The following COL6A6 variants were observed in gnomAD, a reference collection of about 807,000 sequenced individuals.
The protein encoded by COL6A6 is collagen alpha-6(VI) chain.
In COL6A6, 183 loss-of-function variants were observed where a neutral mutation model predicts 208.6. The observed-to-expected ratio is 0.88, with a 90% CI of 0.78 to 0.99. The LOEUF (loss-of-function observed/expected upper bound fraction) is 0.99, where lower values mean the gene tolerates loss of function less well. COL6A6 is among the 50% of genes least tolerant of loss of function. The pLI is 0.00. For missense variants in COL6A6, 2,816 were observed against 2,815.2 expected (o/e 1.00, Z -0.01); for synonymous variants, 973 against 1,011.8 (o/e 0.96, Z 0.73).
chr3:130,645,059 G>C (rs1024773139), intron 32 of COL6A6, 57 bp downstream of exon 32: 11 of 1,528,176 alleles, frequency 7.2e-6, no homozygotes, highest in African/African-American at 1.4e-5. Context: ...TCATACATCT[G>C]GAAAGATGAG....
rs768427464 is a variant in COL6A6 at position 130,568,217 on chromosome 3, G to A, written c.2014G>A (p.Glu672Lys). Residue 672 changes from glutamate to lysine, a missense_variant, in exon 6 of 37, where the codon GAA becomes AAA. Transcript: ENST00000358511. ...GVVQFSDINK[E>K]EFQLNRFMSQ... ...AGTCCAGTTCAGCGACATCAATAAG[G>A]AAGAGTTTCAGCTCAACAGATTCAT... 11 of 1,613,856 alleles carry A rather than the reference G, an allele frequency of 6.8e-6. No individual in the cohort carries two copies. Among genetic ancestry groups the A allele is most frequent in the Admixed American group, 1.7e-5 (1 of 60,000 alleles).
intron 12 of COL6A6, among the ~76,000 whole-genome samples, chr3:130,589,562 C>T (rs771107229): frequency 2.0e-5 from 3 of 152,092 alleles, no homozygotes; most frequent in Admixed American, 6.6e-5. Context: ...AAAATCAAAG[C>T]GAAGATACTT....
At chr3:130,601,007 A>AT (rs1326388073) in intron 20 of COL6A6, among the ~76,000 whole-genome samples, 1 of 152,084 alleles carries the variant, frequency 6.6e-6, no homozygotes, top group Non-Finnish European at 1.5e-5. Flanking sequence ...TTTATTTGTT[A>AT]TTTTTTCATT....
At chr3:130,589,660 A>G (rs2063627418) in intron 12 of COL6A6, among the ~76,000 whole-genome samples, 1 of 152,238 alleles carries the variant, frequency 6.6e-6, no homozygotes, top group Non-Finnish European at 1.5e-5. Context: ...AAGCCAGGTC[A>G]AAATGTTATC....
At chr3:130,609,296 G>A (rs995556401) in intron 22 of COL6A6, among the ~76,000 whole-genome samples, 21 of 152,288 alleles carry the variant, frequency 1.4e-4, no homozygotes, top group African/African-American at 4.8e-4. Flanking sequence ...ATTTAGCACA[G>A]TAATAGTTCA....
In COL6A6 at chr3:130,602,373, C is replaced by T. The variant is rs1448496172; in HGVS notation, c.4653+2563C>T. Among the ~76,000 whole-genome samples, 4 of 152,136 alleles carry T rather than the reference C, an allele frequency of 2.6e-5. No homozygotes were observed. In the East Asian group the frequency reaches 7.7e-4, roughly 29 times the overall value. On this transcript the variant is annotated intron_variant, in intron 20 of 36. Transcript: ENST00000358511. ...GTCCTATTCAAAGATGGTGAATGGTCAGGAACATTAATAATCTTTATTAAT... is the reference window on the plus strand; with the variant it reads ...GTCCTATTCAAAGATGGTGAATGGTTAGGAACATTAATAATCTTTATTAAT...
chr3:130,662,290 T>C lies in COL6A6; in HGVS notation c.6484T>C (p.Phe2162Leu). The C allele has an allele frequency of 6.2e-7, 1 of 1,613,028 alleles. No homozygotes were observed. Among genetic ancestry groups the C allele is most frequent in the Non-Finnish European group, 8.5e-7 (1 of 1,179,200 alleles). ...TTATGGTGTGAAGTTTGTGAAGTCC[T>C]TTATAAACTCAATCAGGCGTAAGTC... is the stretch of plus-strand genomic sequence containing the variant. ...HSYGVKFVKS[F>L]INSIRRAINK... The change falls in exon 35 of 37, where the codon TTT becomes CTT. Residue 2162 changes from phenylalanine (F) to leucine (L), a missense_variant. Coordinates refer to ENST00000358511, the MANE Select transcript of COL6A6 (RefSeq NM_001102608.3).
chr3:130,583,348 A>G (rs2063466505), intron 10 of COL6A6, among the ~76,000 whole-genome samples: 2 of 151,962 alleles, frequency 1.3e-5, no homozygotes, highest in African/African-American at 4.8e-5. Flanking sequence ...AAAAGATACT[A>G]GAGTGCTTAG....
chr3:130,551,168 G>A (rs1410934718), intron 1 of COL6A6, among the ~76,000 whole-genome samples: 1 of 151,872 alleles, frequency 6.6e-6, no homozygotes, highest in Non-Finnish European at 1.5e-5. Context: ...TGGTATCAGG[G>A]TGATGCTGGC....
At chr3:130,520,334 C>T (rs116276402) in intron 1 of COL6A6, among the ~76,000 whole-genome samples, 3,794 of 152,268 alleles carry the variant, frequency 0.025, 166 homozygotes, top group African/African-American at 0.084. Context: ...TGATCCTTTA[C>T]AAAATAGTGA....
chr3:130,586,421 T>G, intron 10 of COL6A6, 85 bp from the exon 11 acceptor site: 12 of 1,243,972 alleles, frequency 9.6e-6, no homozygotes, highest in South Asian at 1.6e-5. Flanking sequence ...AGCTGTTCAC[T>G]GAGAATAACA....
intron 1 of COL6A6, among the ~76,000 whole-genome samples, chr3:130,547,602 A>T (rs1367829608): frequency 6.6e-6 from 1 of 152,234 alleles, no homozygotes; most frequent in Non-Finnish European, 1.5e-5. Context: ...GGCCGCCAGC[A>T]TGTTGTCACC....
At chr3:130,658,808 C>T in intron 34 of COL6A6, 36 bp downstream of exon 34, 1 of 1,486,964 alleles carries the variant, frequency 6.7e-7, no homozygotes, top group Non-Finnish European at 9.3e-7. Context: ...TTGGTCAGGC[C>T]TATTAAGCAT....
chr3:130,558,978 A>G (rs2062824178), intron 1 of COL6A6, among the ~76,000 whole-genome samples: 1 of 152,194 alleles, frequency 6.6e-6, no homozygotes, highest in Non-Finnish European at 1.5e-5. Context: ...ACCTTGCATC[A>G]GTTACTTCCC....
chr3:130,518,975 G>A (rs1710906472), intron 1 of COL6A6, among the ~76,000 whole-genome samples: 1 of 152,074 alleles, frequency 6.6e-6, no homozygotes, highest in South Asian at 2.1e-4. Flanking sequence ...TTATATTTTA[G>A]TAATTTAAAA....
chr3:130,593,916 T>C (rs1056356119), intron 17 of COL6A6, among the ~76,000 whole-genome samples: 1 of 152,054 alleles, frequency 6.6e-6, no homozygotes, highest in Non-Finnish European at 1.5e-5. Flanking sequence ...ACTTTGTCTT[T>C]AGAGTGTGAA....
At chr3:130,667,232 T>G (rs1433872878) in intron 36 of COL6A6, among the ~76,000 whole-genome samples, 1 of 152,244 alleles carries the variant, frequency 6.6e-6, no homozygotes, top group Non-Finnish European at 1.5e-5. Flanking sequence ...TAGTTAAATC[T>G]AAACAAATGT....
intron 1 of COL6A6, among the ~76,000 whole-genome samples, chr3:130,535,070 A>C (rs371050949): frequency 6.6e-6 from 1 of 152,062 alleles, no homozygotes; most frequent in African/African-American, 2.4e-5. Context: ...ATTTTCCTTC[A>C]GTTCTGGAAA....
intron 34 of COL6A6, among the ~76,000 whole-genome samples, chr3:130,660,183 GA>G (rs1165519161): frequency 1.3e-5 from 2 of 152,168 alleles, no homozygotes; most frequent in African/African-American, 4.8e-5. Flanking sequence ...TATAATAAAA[GA>G]GATTTTGGCT....
Sources: allele counts gnomAD v4.1 joint callset (sites outside exome capture counted in the v4.1 genomes callset), GRCh38; gene constraint gnomAD v4.1.1; transcripts MANE v1.5; gene names NCBI Gene and HGNC (gene_info 2026-07-23, HGNC 2026-07-21).